Variants in SGCD observed in about 807,000 individuals in gnomAD.
SGCD encodes sarcoglycan delta.
A neutral mutation model predicts 36.6 loss-of-function variants in SGCD; 18 were observed. The observed-to-expected ratio is 0.49, with a 90% CI of 0.34 to 0.73. The LOEUF is 0.73. Among genes scored for constraint, SGCD ranks in the 30% least tolerant of loss-of-function variants. The pLI, the probability that SGCD is intolerant of heterozygous loss-of-function variation, is 0.01. For synonymous variants in SGCD, 133 were observed against 130.6 expected (o/e 1.02, Z -0.12); for missense variants, 387 against 346.7 (o/e 1.12, Z -0.92).
chr5:156,514,078 G>A (rs1373607276), intron 4 of SGCD, among the ~76,000 whole-genome samples: 1 of 152,184 alleles, frequency 6.6e-6, no homozygotes, highest in Non-Finnish European at 1.5e-5. Flanking sequence ...TAATTGCTAA[G>A]TATAACTGCA....
At chr5:156,157,517 T>G (rs766504584) in intron 3 of SGCD, among the ~76,000 whole-genome samples, 1 of 151,806 alleles carries the variant, frequency 6.6e-6, no homozygotes, top group Non-Finnish European at 1.5e-5. Context: ...TATTCCCTTA[T>G]TTCCACTTTG....
At chr5:156,058,573 A>G (rs141521748) in intron 1 of SGCD, among the ~76,000 whole-genome samples, 2 of 145,942 alleles carry the variant, frequency 1.4e-5, no homozygotes, top group African/African-American at 4.9e-5. Context: ...ATACTGATCA[A>G]TAGCAATGCG....
chr5:156,203,029 G>C (rs1330808973), intron 3 of SGCD, among the ~76,000 whole-genome samples: 1 of 152,078 alleles, frequency 6.6e-6, no homozygotes, highest in Non-Finnish European at 1.5e-5. Flanking sequence ...GACTCTGTCA[G>C]ATTTGAAAGG....
the SGCD span, among the ~76,000 whole-genome samples, chr5:155,781,702 C>T: frequency 0.091 from 13,898 of 152,096 alleles, 816 homozygotes; most frequent in South Asian, 0.2. Flanking sequence ...AACTCCCAGA[C>T]TCAAGTGATC....
intron 7 of SGCD, among the ~76,000 whole-genome samples, chr5:156,685,509 A>G (rs2113693204): frequency 6.6e-6 from 1 of 152,298 alleles, no homozygotes; most frequent in Non-Finnish European, 1.5e-5. Context: ...TAGAGTAGAA[A>G]GGGCCATCAG....
chr5:156,038,939 G>A (rs1759567467), intron 1 of SGCD, among the ~76,000 whole-genome samples: 1 of 152,096 alleles, frequency 6.6e-6, no homozygotes, highest in African/African-American at 2.4e-5. Context: ...ACCCTGCTCA[G>A]TTTGGCCTCT....
At chr5:155,772,350 T>A in the SGCD span, among the ~76,000 whole-genome samples, 1 of 152,192 alleles carries the variant, frequency 6.6e-6, no homozygotes, top group Admixed American at 6.5e-5. Flanking sequence ...ATATTCCAAG[T>A]GCTTTCATCT....
intron 1 of SGCD, among the ~76,000 whole-genome samples, chr5:155,883,793 C>CAAAAAAAAAAAAAAAAAA (rs34250962): frequency 2.4e-5 from 2 of 83,524 alleles, no homozygotes; most frequent in African/African-American, 4.9e-5. Flanking sequence ...CTTCAATTTG[C>CAAAAAAAAAAAAAAAAAA]AAAAAAAAAA....
chr5:156,592,891 T>A (rs760979884), intron 5 of SGCD, among the ~76,000 whole-genome samples: 6 of 152,142 alleles, frequency 3.9e-5, no homozygotes, highest in Non-Finnish European at 8.8e-5. Context: ...TTAATAGATG[T>A]GATTATGTGA....
intron 7 of SGCD, among the ~76,000 whole-genome samples, chr5:156,701,443 T>G (rs1754524988): frequency 6.6e-6 from 1 of 152,226 alleles, no homozygotes; most frequent in Non-Finnish European, 1.5e-5. Context: ...CTTGCCTGGA[T>G]TATTGTATTG....
intron 3 of SGCD, among the ~76,000 whole-genome samples, chr5:156,486,749 C>T (rs1019277383): frequency 1.3e-5 from 2 of 152,084 alleles, no homozygotes; most frequent in Non-Finnish European, 2.9e-5. Context: ...CCTGCTGCCA[C>T]CACGTGCATG....
chr5:155,731,630 TTTTG>T, the SGCD span, among the ~76,000 whole-genome samples: 22 of 152,246 alleles, frequency 1.4e-4, no homozygotes, highest in African/African-American at 2.4e-4. Context: ...TAGTCATTGT[TTTTG>T]TTTGTTTGTA....
At chr5:156,556,047 A>G (rs1398432637) in intron 4 of SGCD, among the ~76,000 whole-genome samples, 1 of 151,590 alleles carries the variant, frequency 6.6e-6, no homozygotes, top group African/African-American at 2.4e-5. Flanking sequence ...ATCTCATATC[A>G]CATGTTTATT....
intron 3 of SGCD, among the ~76,000 whole-genome samples, chr5:156,404,294 C>A (rs1772302147): frequency 1.3e-5 from 2 of 152,186 alleles, no homozygotes; most frequent in Admixed American, 1.3e-4. Context: ...CGATGCAGAG[C>A]TCAATACTTC....
intron 7 of SGCD, among the ~76,000 whole-genome samples, chr5:156,732,717 G>A (rs574499831): frequency 7.2e-5 from 11 of 152,212 alleles, no homozygotes; most frequent in Middle Eastern, 3.4e-3. Flanking sequence ...AATCTGTCTG[G>A]TCCTGGGCTC....
At chr5:156,002,746 G>A (rs1414354639) in intron 1 of SGCD, among the ~76,000 whole-genome samples, 1 of 152,182 alleles carries the variant, frequency 6.6e-6, no homozygotes, top group Non-Finnish European at 1.5e-5. Context: ...CTGATTCGAT[G>A]GGTCTACAGC....
At chr5:156,042,150 A>G (rs984654323) in intron 1 of SGCD, among the ~76,000 whole-genome samples, 1 of 151,562 alleles carries the variant, frequency 6.6e-6, no homozygotes, top group African/African-American at 2.4e-5. Context: ...AGTTAGGTAC[A>G]CTCTGAATTT....
intron 1 of SGCD, among the ~76,000 whole-genome samples, chr5:155,944,952 T>C (rs1356276755): frequency 6.6e-6 from 1 of 152,114 alleles, no homozygotes; most frequent in Non-Finnish European, 1.5e-5. Flanking sequence ...AATCTCACCA[T>C]ATAGATGGTG....
intron 3 of SGCD, among the ~76,000 whole-genome samples, chr5:156,226,791 C>A (rs1764871148): frequency 6.6e-6 from 1 of 151,972 alleles, no homozygotes; most frequent in African/African-American, 2.4e-5. Flanking sequence ...ACCATTCTTG[C>A]AGGGGTAAGG....
Sources: gnomAD v4.1 joint callset for allele counts (sites outside exome capture counted in the v4.1 genomes callset) on GRCh38, gnomAD v4.1.1 for gene constraint, MANE v1.5 for transcripts, NCBI Gene and HGNC (gene_info 2026-07-23, HGNC 2026-07-21) for gene names.